The following IST1 variants were observed in gnomAD, a reference collection of about 807,000 sequenced individuals.
IST1 encodes the protein IST1 homolog.
Under a neutral mutation model 37.0 loss-of-function variants are expected in IST1, and 23 were observed. That is an observed-to-expected ratio of 0.62 (90% CI 0.45 to 0.88). The LOEUF (loss-of-function observed/expected upper bound fraction) is 0.88. Ranked by LOEUF, IST1 falls within the 40% of genes least tolerant of loss-of-function variation. IST1 has a pLI of 0.00. For missense variants in IST1, 488 were observed against 445.4 expected, an observed-to-expected ratio of 1.10 and a Z score of -0.86; for synonymous variants, 180 against 161.7, an observed-to-expected ratio of 1.11 and a Z score of -0.86.
chr16:71,926,153 G>C (rs1299232029), intron 9 of IST1, among the ~76,000 whole-genome samples: 1 of 151,344 alleles, frequency 6.6e-6, no homozygotes, highest in Non-Finnish European at 1.5e-5. Context: ...GTGGTGGCAG[G>C]CGCCTGTAAT....
chr16:71,924,308 C>T (rs2037684708), intron 8 of IST1: 1 of 401,492 alleles, frequency 2.5e-6, no homozygotes. Context: ...CTCTGCTTGG[C>T]AGTTAAGAGT....
chr16:71,909,585 C>T (rs2037306579), intron 1 of IST1, among the ~76,000 whole-genome samples: 1 of 152,178 alleles, frequency 6.6e-6, no homozygotes, highest in Non-Finnish European at 1.5e-5. Flanking sequence ...TCATTAAATA[C>T]TGCCAAATTA....
intron 1 of IST1, among the ~76,000 whole-genome samples, chr16:71,914,990 T>C (rs72801785): frequency 0.019 from 2,962 of 152,278 alleles, 53 homozygotes; most frequent in Middle Eastern, 0.12. Flanking sequence ...AAGAGCCTTC[T>C]GTTGTAGAAT....
Position 71,928,421 on chromosome 16 carries a change from G to GT in IST1, c.*611dup, listed in dbSNP as rs1277470745. 1 of 153,050 alleles carries GT rather than the reference G, an allele frequency of 6.5e-6. No individual in the cohort carries two copies. The highest frequency in any genetic ancestry group is 1.5e-5 in the Non-Finnish European group (1 of 68,358). 9.5% of individuals were successfully genotyped at this position (153,050 alleles called of 1,614,324 possible). On this transcript the variant is annotated 3_prime_UTR_variant, in exon 10 of 10. Coordinates refer to ENST00000378799, the MANE Select transcript of IST1 (RefSeq NM_001270975.2). The stretch of plus-strand genomic sequence containing the variant: ...TGTCCCACCGGGATCCAGTTGCAAA[G>GT]TTTGTCTTGACAGTTGAAGGCCTCG...
intron 7 of IST1, chr16:71,923,067 T>C: frequency 2.1e-6 from 1 of 476,380 alleles, no homozygotes; most frequent in Non-Finnish European, 3.7e-6. Flanking sequence ...TTGTAAACAC[T>C]GAAGCACTTG....
intron 5 of IST1, 44 bp from the exon 6 acceptor site, chr16:71,921,299 G>A (rs776300544): frequency 1.2e-5 from 14 of 1,145,528 alleles, no homozygotes; most frequent in Non-Finnish European, 1.3e-6. Flanking sequence ...GGATTAGGCT[G>A]GTTGGTATAC....
chr16:71,927,861 A>C lies in IST1; in HGVS notation c.*48A>C, dbSNP rs1460978576. 1 of 1,276,194 alleles carries C rather than the reference A, an allele frequency of 7.8e-7. No individual in the cohort carries two copies. Among genetic ancestry groups the C allele is most frequent in the Non-Finnish European group, 1.1e-6 (1 of 881,076 alleles). The allele number at this position is 1,276,194 out of a possible 1,614,324, so 79.1% of individuals were successfully genotyped here. A position where few individuals can be genotyped will look rare whatever the true frequency, so the allele number is the denominator to read the frequency against. ...CACGTTTTGGGAGTTGAGACTGAGC[A>C]ATTTCTCCTTGTAACAAAGAATCTC... is the stretch of plus-strand genomic sequence containing the variant. On this transcript the variant is annotated 3_prime_UTR_variant, in exon 10 of 10. Transcript: ENST00000378799.
At chr16:71,907,926 T>C (rs2142544555) in intron 1 of IST1, among the ~76,000 whole-genome samples, 1 of 152,202 alleles carries the variant, frequency 6.6e-6, no homozygotes, top group East Asian at 1.9e-4. Flanking sequence ...GGATTAGTTC[T>C]GAGATTTGTC....
upstream of IST1, chr16:71,895,364 C>T: frequency 9.6e-6 from 2 of 207,420 alleles, no homozygotes; most frequent in Non-Finnish European, 1.7e-5. Context: ...GGAAGTAGTC[C>T]CCGGCCGCGC....
intron 6 of IST1, among the ~76,000 whole-genome samples, chr16:71,922,089 A>G (rs1164235012): frequency 1.3e-5 from 2 of 152,096 alleles, no homozygotes; most frequent in African/African-American, 4.8e-5. Context: ...GTGGTGAGCC[A>G]AGATTGTGCC....
chr16:71,925,011 ATTTTT>A (rs539063040), intron 9 of IST1, among the ~76,000 whole-genome samples, 194 bp downstream of exon 9: 15 of 132,334 alleles, frequency 1.1e-4, no homozygotes, highest in Admixed American at 5.3e-4. Flanking sequence ...TAGCTCAGTG[ATTTTT>A]TTTTTTTTTT....
intron 1 of IST1, chr16:71,903,737 A>G (rs1408731298): frequency 2.0e-5 from 3 of 152,164 alleles, no homozygotes; most frequent in African/African-American, 7.2e-5. Flanking sequence ...AACCCCAGCT[A>G]TGTCCTACAT....
intron 1 of IST1, among the ~76,000 whole-genome samples, chr16:71,900,669 G>GTT (rs2037088108): frequency 1.9e-5 from 1 of 53,040 alleles, no homozygotes; most frequent in South Asian, 8.5e-4. Context: ...ATAAAGATAA[G>GTT]TATATATGTA....
At chr16:71,895,376 G>A (rs913443223), upstream of IST1, 1 of 261,710 alleles carries the variant, frequency 3.8e-6, no homozygotes, top group Non-Finnish European at 6.0e-6. Context: ...CGGCCGCGCC[G>A]ACTCCAAAGG....
chr16:71,920,847 G>A, intron 5 of IST1, 25 bp downstream of exon 5: 1 of 1,533,248 alleles, frequency 6.5e-7, no homozygotes, highest in Non-Finnish European at 9.0e-7. Flanking sequence ...TGGTAAACAT[G>A]AAGGCAGTGT....
intron 3 of IST1, 35 bp from the exon 4 acceptor site, chr16:71,917,012 T>C: frequency 7.1e-7 from 1 of 1,407,408 alleles, no homozygotes; most frequent in Non-Finnish European, 9.9e-7. Flanking sequence ...TGGTTTGTTT[T>C]AAAGAATGTT....
chr16:71,916,587 C>T lies in IST1; in HGVS notation c.214C>T (p.Leu72=). The T allele has an allele frequency of 1.2e-6, 2 of 1,614,078 alleles. No individual in the cohort carries two copies. The highest frequency in any genetic ancestry group is 8.5e-7 in the Non-Finnish European group (1 of 1,179,918). The change falls in exon 3 of 10, where the codon CTG becomes TTG. Residue 72 remains leucine, a synonymous_variant. Coordinates refer to ENST00000378799, the MANE Select transcript of IST1 (RefSeq NM_001270975.2). ...EDYLVEAMEI[L]ELYCDLLLAR... is the part of the protein sequence containing the mutation. ...CTACCTCGTGGAGGCCATGGAGATC[C>T]TGGAGCTGTACTGTGACCTGCTGCT... is the stretch of plus-strand genomic sequence containing the variant.
chr16:71,922,441 G>C, intron 6 of IST1, 33 bp from the exon 7 acceptor site: 2 of 1,588,082 alleles, frequency 1.3e-6, no homozygotes, highest in Non-Finnish European at 1.7e-6. Context: ...CTTGGACATG[G>C]GTTAATGACC....
chr16:71,915,505 T>C (rs2037448180), intron 1 of IST1, 121 bp from the exon 2 acceptor site: 1 of 630,106 alleles, frequency 1.6e-6, no homozygotes, highest in African/African-American at 1.9e-5. Flanking sequence ...AATTAGATCA[T>C]GTCATTTTCC....
Sources: allele counts gnomAD v4.1 joint callset (sites outside exome capture counted in the v4.1 genomes callset), GRCh38; gene constraint gnomAD v4.1.1; transcripts MANE v1.5; gene names NCBI Gene and HGNC (gene_info 2026-07-23, HGNC 2026-07-21).